Variants in MGAT4C observed in about 807,000 individuals in gnomAD.
The protein encoded by MGAT4C is alpha-1,3-mannosyl-glycoprotein 4-beta-N-acetylglucosaminyltransferase C.
A neutral mutation model predicts 40.1 loss-of-function variants in MGAT4C; 19 were observed. That is an observed-to-expected ratio of 0.47 (90% CI 0.33 to 0.70). The LOEUF (loss-of-function observed/expected upper bound fraction) is 0.70. Ranked by LOEUF, MGAT4C falls within the 30% of genes least tolerant of loss-of-function variation. The pLI is 0.02. For missense variants in MGAT4C, 491 were observed against 563.2 expected (o/e 0.87, Z 1.30); for synonymous variants, 181 against 187.1 (o/e 0.97, Z 0.27).
chr12:85,983,754 T>C, intron 3 of MGAT4C, 84 bp from the exon 4 acceptor site: 3 of 1,124,930 alleles, frequency 2.7e-6, no homozygotes, highest in Non-Finnish European at 3.7e-6. Flanking sequence ...ACACAATAAA[T>C]GTACGACTAC....
At chr12:86,578,256 T>C (rs1055466873) in intron 2 of MGAT4C, among the ~76,000 whole-genome samples, 1 of 151,840 alleles carries the variant, frequency 6.6e-6, no homozygotes, top group Non-Finnish European at 1.5e-5. Flanking sequence ...CTCCCTCCTC[T>C]TCCTTTCTCA....
chr12:86,715,827 T>C (rs1160771593), intron 2 of MGAT4C, among the ~76,000 whole-genome samples: 2 of 152,156 alleles, frequency 1.3e-5, no homozygotes, highest in Non-Finnish European at 2.9e-5. Flanking sequence ...AGTAATCATG[T>C]TACCTAAATT....
chr12:86,332,905 T>C lies in MGAT4C; in HGVS notation c.-57+1160A>G, dbSNP rs1954704446. On this transcript the variant is annotated intron_variant, in intron 4 of 7. Transcript: ENST00000548651. ...TTGCATATTAAGTGATAGTCAAGTT[T>C]TTGTGAATCCTTTTGCTGTTGAAAT... Among the ~76,000 whole-genome samples the C allele has an allele frequency of 5.3e-5, 8 of 152,146 alleles. 2 individuals carry two copies. Among genetic ancestry groups the C allele is most frequent in the Admixed American group, 5.2e-4 (8 of 15,254 alleles).
At chr12:86,631,646 A>T (rs1257570017) in intron 2 of MGAT4C, among the ~76,000 whole-genome samples, 1 of 151,998 alleles carries the variant, frequency 6.6e-6, no homozygotes, top group African/African-American at 2.4e-5. Flanking sequence ...CAAAAACAAG[A>T]AATGGGGAAA....
chr12:86,069,594 A>G (rs999622851), intron 1 of MGAT4C, among the ~76,000 whole-genome samples: 5 of 152,156 alleles, frequency 3.3e-5, no homozygotes, highest in African/African-American at 1.2e-4. Flanking sequence ...TTCTCAGTTG[A>G]TGTCTATCCT....
chr12:86,085,775 A>G (rs547953071), intron 1 of MGAT4C, among the ~76,000 whole-genome samples: 27 of 152,338 alleles, frequency 1.8e-4, no homozygotes, highest in African/African-American at 6.3e-4. Flanking sequence ...TGCAGCCAAC[A>G]CATATATAAG....
intron 1 of MGAT4C, among the ~76,000 whole-genome samples, chr12:86,819,768 C>T (rs2136225403): frequency 6.6e-6 from 1 of 150,674 alleles, no homozygotes; most frequent in East Asian, 2.0e-4. Flanking sequence ...ACAGTTTGCT[C>T]TAAATCATAA....
At chr12:86,780,033 AATAAT>A (rs1359032165) in intron 1 of MGAT4C, among the ~76,000 whole-genome samples, 1 of 152,094 alleles carries the variant, frequency 6.6e-6, no homozygotes, top group Non-Finnish European at 1.5e-5. Context: ...TATAAAATGA[AATAAT>A]ATAATTGCCA....
rs569761627 is a variant in MGAT4C, at chr12:86,310,421, G to A, written c.-57+23644C>T. Among the ~76,000 whole-genome samples the A allele has an allele frequency of 2.6e-5, 4 of 152,264 alleles. No homozygotes were observed. The East Asian group carries it at 5.8e-4, about 22-fold the overall frequency. On this transcript the variant is annotated intron_variant, in intron 4 of 7. Transcript: ENST00000548651. The stretch of plus-strand genomic sequence containing the variant: ...TTCATACTGGCCCTGGAAGAGGGCC[G>A]GTGGTAGGCACCATTCAGCTTTGTC...
intron 2 of MGAT4C, among the ~76,000 whole-genome samples, chr12:86,519,482 G>A (rs190110316): frequency 1.7e-4 from 26 of 152,224 alleles, no homozygotes; most frequent in African/African-American, 5.5e-4. Flanking sequence ...CCTCCATACT[G>A]TTCTCCACAG....
Position 86,055,340 on chromosome 12 carries a change from T to A in MGAT4C, c.-56-5617A>T, listed in dbSNP as rs549896772. 1.2e-4 allele frequency among the ~76,000 whole-genome samples: 18 copies of A among 152,126 alleles called. No homozygotes were observed. In the South Asian group the frequency reaches 3.5e-3, roughly 30 times the overall value. ...ACCGTCTAGTTGAGGGAATAAGATA[T>A]ATGTGTAAAAATAATGCCAAATGTG... On this transcript the variant is annotated intron_variant, in intron 1 of 4. Coordinates refer to ENST00000611864, the MANE Select transcript of MGAT4C (RefSeq NM_001351288.2).
At chr12:86,760,315 C>T (rs1010531367) in intron 1 of MGAT4C, among the ~76,000 whole-genome samples, 13 of 151,972 alleles carry the variant, frequency 8.6e-5, no homozygotes, top group African/African-American at 2.9e-4. Context: ...ACTATCAAAT[C>T]ACTAGAAAAA....
intron 2 of MGAT4C, among the ~76,000 whole-genome samples, chr12:86,448,935 A>C (rs1957381370): frequency 6.6e-6 from 1 of 152,200 alleles, no homozygotes; most frequent in Non-Finnish European, 1.5e-5. Context: ...TCAAATAGCT[A>C]GGCTTCAGAT....
chr12:86,059,595 G>A (rs916243488), intron 1 of MGAT4C, among the ~76,000 whole-genome samples: 5 of 152,120 alleles, frequency 3.3e-5, no homozygotes, highest in African/African-American at 1.2e-4. Flanking sequence ...ATACATCCCT[G>A]CTATCAGAGC....
At chr12:86,658,945 A>C (rs898208310) in intron 2 of MGAT4C, among the ~76,000 whole-genome samples, 1 of 152,088 alleles carries the variant, frequency 6.6e-6, no homozygotes, top group Admixed American at 6.6e-5. Flanking sequence ...TCTGAATAAA[A>C]GCCGTCCTGT....
intron 4 of MGAT4C, among the ~76,000 whole-genome samples, chr12:86,322,558 A>G (rs1258179067): frequency 6.6e-6 from 1 of 152,028 alleles, no homozygotes; most frequent in African/African-American, 2.4e-5. Context: ...TTGTTTAGAA[A>G]AAAATGAATT....
intron 4 of MGAT4C, among the ~76,000 whole-genome samples, chr12:86,317,358 A>T (rs556482894): frequency 2.6e-4 from 40 of 152,256 alleles, no homozygotes; most frequent in African/African-American, 9.6e-4. Flanking sequence ...TAAGAAATGC[A>T]GGTTTGTATT....
rs930260745 is a variant in MGAT4C, at chr12:86,030,169, C to G, written c.-7+19505G>C. The stretch of plus-strand genomic sequence containing the variant: ...GTCTCAGCGATTGAAATAATTTTCC[C>G]ATGTAGATACAACTCTTAAGTGACA... On this transcript the variant is annotated intron_variant, in intron 2 of 4. Transcript: ENST00000611864. Among the ~76,000 whole-genome samples, 3 of 151,668 alleles carry G rather than the reference C, an allele frequency of 2.0e-5. No individual in the cohort carries two copies. The Admixed American group carries it at 2.0e-4, about 10-fold the overall frequency.
intron 2 of MGAT4C, among the ~76,000 whole-genome samples, chr12:86,518,490 AT>A (rs779827779): frequency 4.7e-4 from 71 of 152,364 alleles, no homozygotes; most frequent in South Asian, 8.3e-4. Context: ...CATCAGTGAG[AT>A]ACCTCTACCC....
Sources: gnomAD v4.1 joint callset for allele counts (sites outside exome capture counted in the v4.1 genomes callset) on GRCh38, gnomAD v4.1.1 for gene constraint, MANE v1.5 for transcripts, NCBI Gene and HGNC (gene_info 2026-07-23, HGNC 2026-07-21) for gene names.